Variants in DENND4A observed in about 807,000 individuals in gnomAD.
DENND4A encodes the protein DENN domain containing 4A.
Under a neutral mutation model 199.3 loss-of-function variants are expected in DENND4A, and 70 were observed. The ratio of observed to expected loss-of-function variants is 0.35; its 90% CI spans 0.29 to 0.43. The LOEUF (loss-of-function observed/expected upper bound fraction) is 0.43. Ranked by LOEUF, DENND4A falls within the 20% of genes least tolerant of loss-of-function variation. The pLI, the probability that DENND4A is intolerant of heterozygous loss-of-function variation, is 1.00. For missense variants in DENND4A, 1,723 were observed against 2,255.8 expected (o/e 0.76, Z 4.78); for synonymous variants, 686 against 766.9 (o/e 0.89, Z 1.74).
intron 23 of DENND4A, among the ~76,000 whole-genome samples, chr15:65,681,470 G>A (rs139489219): frequency 5.9e-5 from 9 of 152,066 alleles, no homozygotes; most frequent in African/African-American, 4.8e-5. Context: ...AAGTAAAAGC[G>A]ACTCCTTGAT....
At chr15:65,786,708 A>G (rs920825923) in intron 1 of DENND4A, among the ~76,000 whole-genome samples, 5 of 152,258 alleles carry the variant, frequency 3.3e-5, no homozygotes, top group African/African-American at 9.6e-5. Context: ...TAAATAACTT[A>G]CCTAAGGTCA....
rs759592960 is a variant in DENND4A at position 65,752,576 on chromosome 15, T to G, written c.364A>C (p.Ser122Arg). Residue 122 changes from serine (S) to arginine (R), a missense_variant, in exon 4 of 33, where the codon AGT (serine) becomes CGT (arginine). Around this residue, in one of 6 missense-constraint regions of DENND4A, gnomAD observed 725 missense variants for 952.9 expected, o/e 0.76. Coordinates refer to ENST00000443035, the MANE Select transcript of DENND4A (RefSeq NM_001320835.1). ...RLKQGCEIIQ[S>R]TPYGRPANIS... ...TTTGCGGGGCGCCCATAGGGAGTAC[T>G]CTGAATAATTTCACAACCCTGTTTC... is the stretch of plus-strand genomic sequence containing the variant. 30 of 1,601,256 alleles carry G rather than the reference T, an allele frequency of 1.9e-5. No individual in the cohort carries two copies. The highest frequency in any genetic ancestry group is 2.5e-5 in the Non-Finnish European group (29 of 1,172,190).
chr15:65,767,434 G>A (rs2077016071), intron 1 of DENND4A: 1 of 152,146 alleles, frequency 6.6e-6, no homozygotes, highest in South Asian at 2.1e-4. Flanking sequence ...GTGAATATCT[G>A]TTAAATGAAT....
At chr15:65,781,016 G>T (rs1015221589) in intron 1 of DENND4A, among the ~76,000 whole-genome samples, 34 of 152,290 alleles carry the variant, frequency 2.2e-4, no homozygotes, top group African/African-American at 7.5e-4. Context: ...CAAGAGTATG[G>T]ATCTGAGAAG....
At chr15:65,687,109 T>C (rs1398338975) in intron 23 of DENND4A, among the ~76,000 whole-genome samples, 5 of 152,226 alleles carry the variant, frequency 3.3e-5, no homozygotes, top group Non-Finnish European at 7.3e-5. Context: ...CTTTAAGATT[T>C]CCTGTTCTCT....
chr15:65,767,859 A>T (rs528559172), intron 1 of DENND4A, among the ~76,000 whole-genome samples: 52 of 152,330 alleles, frequency 3.4e-4, no homozygotes, highest in African/African-American at 1.2e-3. Context: ...CAAATGGACA[A>T]CTGTGAGGGA....
intron 23 of DENND4A, among the ~76,000 whole-genome samples, chr15:65,686,108 A>G (rs918580282): frequency 5.9e-5 from 9 of 152,202 alleles, no homozygotes; most frequent in Non-Finnish European, 1.3e-4. Flanking sequence ...TTAGATGCCA[A>G]TGTAGGGAGG....
chr15:65,701,291 G>A, intron 18 of DENND4A, 99 bp from the exon 19 acceptor site: 2 of 1,050,174 alleles, frequency 1.9e-6, no homozygotes, highest in Non-Finnish European at 2.6e-6. Flanking sequence ...AGTAGGCCAG[G>A]AGTGGTGGCT....
At position 65,700,560 on chromosome 15, in the gene DENND4A, A is replaced by T; in HGVS notation, c.2817T>A (p.Asp939Glu). 3 of 1,532,696 alleles carry T rather than the reference A, an allele frequency of 2.0e-6. No homozygotes were observed. The highest frequency in any genetic ancestry group is 2.6e-6 in the Non-Finnish European group (3 of 1,137,874). The allele number at this position is 1,532,696 out of a possible 1,614,324, so 94.9% of individuals were successfully genotyped here. Reference protein sequence around the residue: ...NTGLIKVYATDDRSSTGGQSD... With the variant: ...NTGLIKVYATEDRSSTGGQSD... ...TACACAAACCTGTACTAGATCTATC[A>T]TCAGTAGCATATACTTTGATTAAAC... The change falls in exon 20 of 33, where the codon GAT (aspartate) becomes GAA (glutamate). Residue 939 changes from aspartate to glutamate, a missense_variant. Coordinates refer to ENST00000443035, the MANE Select transcript of DENND4A (RefSeq NM_001320835.1).
chr15:65,697,064 G>C (rs984405130), intron 21 of DENND4A: 1 of 459,704 alleles, frequency 2.2e-6, no homozygotes, highest in Non-Finnish European at 3.8e-6. Context: ...GATTTGGGAA[G>C]TGTTTTGCCA....
Position 65,668,504 on chromosome 15 carries a change from C to G in DENND4A, c.4788-381G>C, listed in dbSNP as rs117823471. 7.9e-4 allele frequency among the ~76,000 whole-genome samples: 120 copies of G among 152,148 alleles called. 1 individual carries two copies. The East Asian group carries it at 0.015, about 19-fold the overall frequency. On this transcript the variant is annotated intron_variant, in intron 27 of 32. Coordinates refer to ENST00000443035, the MANE Select transcript of DENND4A (RefSeq NM_001320835.1). ...GATTACAAGTGTGGGCCACCACTAC[C>G]GGCCATGTTCTTCTCTTTAGAATCC...
At position 65,710,987 on chromosome 15, in the gene DENND4A, C is replaced by T. The variant is rs181404530; in HGVS notation, c.1953+4491G>A. On this transcript the variant is annotated intron_variant, in intron 14 of 32. Transcript: ENST00000443035. ...TCACCAGAAGCAGATGCCAGCACCT[C>T]GCTTTCTATAAAGCCAGTAGAACTA... Among the ~76,000 whole-genome samples, 29 of 152,308 alleles carry T rather than the reference C, an allele frequency of 1.9e-4. 1 individual carries two copies. Among genetic ancestry groups the T allele is most frequent in the Admixed American group, 7.2e-4 (11 of 15,302 alleles).
At chr15:65,762,480 A>G (rs2076876742) in intron 1 of DENND4A, among the ~76,000 whole-genome samples, 1 of 151,888 alleles carries the variant, frequency 6.6e-6, no homozygotes, top group Non-Finnish European at 1.5e-5. Context: ...GAAGAAAGTT[A>G]GTGCCAGGCA....
chr15:65,721,540 T>C (rs1024329254), intron 12 of DENND4A, among the ~76,000 whole-genome samples: 8 of 145,976 alleles, frequency 5.5e-5, no homozygotes, highest in Non-Finnish European at 1.0e-4. Context: ...AAGAGCATGG[T>C]GATAAAGCAT....
At chr15:65,791,195 A>C (rs1249035435) in intron 1 of DENND4A, among the ~76,000 whole-genome samples, 1 of 152,174 alleles carries the variant, frequency 6.6e-6, no homozygotes, top group Non-Finnish European at 1.5e-5. Context: ...CTGCTGTTGC[A>C]AACAAGAAAT....
At chr15:65,731,588 TTGAA>T in intron 9 of DENND4A, 50 bp downstream of exon 9, 1 of 1,297,730 alleles carries the variant, frequency 7.7e-7, no homozygotes, top group Middle Eastern at 1.9e-4. Flanking sequence ...AATAAAATAT[TTGAA>T]TGTTATGCTA....
chr15:65,707,022 T>C (rs1487352791), intron 14 of DENND4A, among the ~76,000 whole-genome samples: 4 of 152,156 alleles, frequency 2.6e-5, no homozygotes, highest in African/African-American at 9.7e-5. Context: ...TGTGTGTCTG[T>C]GTGATAAGAA....
intron 1 of DENND4A, among the ~76,000 whole-genome samples, chr15:65,768,573 A>G (rs897448391): frequency 6.6e-6 from 1 of 152,194 alleles, no homozygotes; most frequent in African/African-American, 2.4e-5. Context: ...AAGGACATAT[A>G]AAGTGTACAT....
chr15:65,786,082 G>A (rs1414223788), intron 1 of DENND4A, among the ~76,000 whole-genome samples: 1 of 152,154 alleles, frequency 6.6e-6, no homozygotes, highest in East Asian at 1.9e-4. Context: ...CAATTTGACA[G>A]TCAGGTATAT....
Sources: allele counts gnomAD v4.1 joint callset (sites outside exome capture counted in the v4.1 genomes callset), GRCh38; gene constraint gnomAD v4.1.1; regional missense constraint gnomAD v4.1.1; transcripts MANE v1.5; gene names NCBI Gene and HGNC (gene_info 2026-07-23, HGNC 2026-07-21).